Variants in TENM3 observed in about 807,000 individuals in gnomAD.
TENM3 encodes teneurin transmembrane protein 3.
In TENM3, 63 loss-of-function variants were observed where a neutral mutation model predicts 255.1. That is an observed-to-expected ratio of 0.25 (90% CI 0.20 to 0.30). The LOEUF is 0.30. Among genes scored for constraint, TENM3 ranks in the 10% least tolerant of loss-of-function variants. The pLI, the probability that TENM3 is intolerant of heterozygous loss-of-function variation, is 1.00. For synonymous variants in TENM3, 1,306 were observed against 1,322.3 expected, an observed-to-expected ratio of 0.99 and a Z score of 0.27; for missense variants, 2,929 against 3,461.1, an observed-to-expected ratio of 0.85 and a Z score of 3.86.
chr4:182,706,770 T>A (rs775121832), intron 12 of TENM3, among the ~76,000 whole-genome samples: 2 of 152,110 alleles, frequency 1.3e-5, no homozygotes, highest in Non-Finnish European at 2.9e-5. Flanking sequence ...AAGACAAGCC[T>A]GAGCAACAGG....
At chr4:181,577,158 TAA>T in the TENM3 span, among the ~76,000 whole-genome samples, 5 of 134,832 alleles carry the variant, frequency 3.7e-5, no homozygotes, top group South Asian at 8.6e-4. Context: ...AATATATATA[TAA>T]ATAATATATA....
chr4:182,654,827 A>C (rs17073717), intron 6 of TENM3, among the ~76,000 whole-genome samples: 1 of 152,194 alleles, frequency 6.6e-6, no homozygotes, highest in East Asian at 1.9e-4. Flanking sequence ...GTACCCATTT[A>C]CTGGGATGAA....
At chr4:181,913,418 G>A in the TENM3 span, among the ~76,000 whole-genome samples, 3 of 152,158 alleles carry the variant, frequency 2.0e-5, no homozygotes, top group African/African-American at 7.2e-5. Context: ...CTTGCGGATG[G>A]AGCAATGGCG....
chr4:182,470,958 T>G (rs1314371848), intron 3 of TENM3, among the ~76,000 whole-genome samples: 7 of 152,220 alleles, frequency 4.6e-5, no homozygotes, highest in Admixed American at 2.0e-4. Context: ...ATCAGTATTA[T>G]TTTTTAGTAT....
chr4:181,648,819 C>T, the TENM3 span, among the ~76,000 whole-genome samples: 1 of 152,122 alleles, frequency 6.6e-6, no homozygotes, highest in Non-Finnish European at 1.5e-5. Flanking sequence ...TGAGCCAAGA[C>T]CACCCATCAG....
chr4:181,578,006 T>C, the TENM3 span, among the ~76,000 whole-genome samples: 3 of 152,130 alleles, frequency 2.0e-5, no homozygotes, highest in Non-Finnish European at 2.9e-5. Flanking sequence ...GCAAGTCCTT[T>C]GGAGTTCTTC....
chr4:182,610,378 A>G (rs540011447), intron 4 of TENM3, among the ~76,000 whole-genome samples: 221 of 152,314 alleles, frequency 1.5e-3, no homozygotes, highest in Non-Finnish European at 2.3e-3. Context: ...CAAATTTAAA[A>G]TCATAAAGAT....
rs1451751795 is a variant in TENM3, at chr4:182,288,979, C to T, written c.-75-34967C>T. ...GTGGCTCATGCCTGTAATCCCAGCA[C>T]TTTGGGAGGTTGAGGCAGGAGGATC... On this transcript the variant is annotated intron_variant, in intron 1 of 27. Coordinates refer to ENST00000511685, the MANE Select transcript of TENM3 (RefSeq NM_001080477.4). 2.0e-5 allele frequency among the ~76,000 whole-genome samples: 3 copies of T among 152,236 alleles called. No homozygotes were observed. The East Asian group carries it at 5.8e-4, about 29-fold the overall frequency.
chr4:182,073,298 T>C, the TENM3 span, among the ~76,000 whole-genome samples: 1 of 152,168 alleles, frequency 6.6e-6, no homozygotes, highest in Non-Finnish European at 1.5e-5. Flanking sequence ...AGCCCCGTGA[T>C]CCATCACTTC....
At chr4:182,278,813 T>A (rs970660404) in intron 1 of TENM3, among the ~76,000 whole-genome samples, 19 of 152,192 alleles carry the variant, frequency 1.2e-4, no homozygotes, top group African/African-American at 4.1e-4. Context: ...GTGTGCAGCA[T>A]GGTGCTAGTG....
At chr4:181,538,400 C>T in the TENM3 span, among the ~76,000 whole-genome samples, 5 of 151,982 alleles carry the variant, frequency 3.3e-5, no homozygotes, top group East Asian at 3.9e-4. Flanking sequence ...CAATAGTAAA[C>T]GCTCGGAACA....
At chr4:182,238,211 G>T (rs12508476) in intron 1 of TENM3, among the ~76,000 whole-genome samples, 3 of 151,990 alleles carry the variant, frequency 2.0e-5, no homozygotes, top group Non-Finnish European at 2.9e-5. Context: ...TGGGGTCGTC[G>T]GAAGCCTGGA....
intron 20 of TENM3, 96 bp from the exon 21 acceptor site, chr4:182,753,354 C>A: frequency 9.6e-7 from 1 of 1,046,068 alleles, no homozygotes; most frequent in South Asian, 1.5e-5. Context: ...CGTGTTGTCA[C>A]TGGGGTTAAA....
At chr4:182,466,070 A>G (rs1732556507) in intron 3 of TENM3, among the ~76,000 whole-genome samples, 1 of 152,214 alleles carries the variant, frequency 6.6e-6, no homozygotes, top group Non-Finnish European at 1.5e-5. Flanking sequence ...ACCTCAATGT[A>G]AATCACCAAA....
At chr4:182,066,449 C>T in the TENM3 span, among the ~76,000 whole-genome samples, 7 of 151,970 alleles carry the variant, frequency 4.6e-5, no homozygotes, top group Non-Finnish European at 7.4e-5. Flanking sequence ...GTCTGGGTTC[C>T]GCCACAGCCT....
chr4:182,624,965 G>T (rs940274303), intron 4 of TENM3, among the ~76,000 whole-genome samples: 12 of 152,136 alleles, frequency 7.9e-5, no homozygotes, highest in Admixed American at 6.5e-4. Context: ...GCTTTGGATT[G>T]GGTGGTCAAG....
At chr4:181,861,546 G>GT in the TENM3 span, among the ~76,000 whole-genome samples, 2,758 of 152,136 alleles carry the variant, frequency 0.018, 46 homozygotes, top group Middle Eastern at 0.051. Flanking sequence ...ATTTGTTCAA[G>GT]TTTTTTCTCT....
chr4:182,706,232 A>G (rs977116785), intron 12 of TENM3, among the ~76,000 whole-genome samples: 3 of 152,154 alleles, frequency 2.0e-5, no homozygotes, highest in Non-Finnish European at 4.4e-5. Flanking sequence ...GCCTGGTTGG[A>G]ACTTTGTCTT....
At chr4:181,616,391 A>G in the TENM3 span, among the ~76,000 whole-genome samples, 1 of 147,130 alleles carries the variant, frequency 6.8e-6, no homozygotes, top group East Asian at 2.0e-4. Context: ...TATCAATAGG[A>G]TATATATATA....
Sources: gnomAD v4.1 joint callset for allele counts (sites outside exome capture counted in the v4.1 genomes callset) on GRCh38, gnomAD v4.1.1 for gene constraint, MANE v1.5 for transcripts, NCBI Gene and HGNC (gene_info 2026-07-23, HGNC 2026-07-21) for gene names.